ITPRID2: variants seen among roughly 807,000 people sequenced by gnomAD.
The protein encoded by ITPRID2 is protein ITPRID2.
ITPRID2 carries 60 observed loss-of-function variants against 124.3 expected under a neutral mutation model. That is an observed-to-expected ratio of 0.48 (90% confidence interval 0.39 to 0.60). The LOEUF (loss-of-function observed/expected upper bound fraction) is 0.60. Ranked by LOEUF, ITPRID2 falls within the 20% of genes least tolerant of loss-of-function variation. The pLI is 0.00. For missense variants in ITPRID2, 1,553 were observed against 1,512.2 expected (o/e 1.03, Z -0.45); for synonymous variants, 521 against 542.9 (o/e 0.96, Z 0.56).
chr2:181,916,788 C>G (rs745488758), intron 11 of ITPRID2: 19 of 984,886 alleles, frequency 1.9e-5, no homozygotes, highest in South Asian at 4.3e-5. Context: ...AGTTCTTTCT[C>G]TCTTTCTCTC....
chr2:181,924,064 A>G (rs1211568486), intron 16 of ITPRID2, among the ~76,000 whole-genome samples: 1 of 152,210 alleles, frequency 6.6e-6, no homozygotes, highest in Non-Finnish European at 1.5e-5. Flanking sequence ...AGAATTTGTT[A>G]TTTAAACCAT....
At chr2:181,928,453 C>T (rs1695026486) in intron 17 of ITPRID2, among the ~76,000 whole-genome samples, 175 bp downstream of exon 17, 1 of 152,126 alleles carries the variant, frequency 6.6e-6, no homozygotes, top group Non-Finnish European at 1.5e-5. Context: ...AAGTGTAAGT[C>T]AAATCCCATA....
intron 4 of ITPRID2, 42 bp from the exon 5 acceptor site, chr2:181,898,838 C>T (rs1692425882): frequency 2.9e-6 from 4 of 1,403,152 alleles, no homozygotes; most frequent in Non-Finnish European, 4.0e-6. Flanking sequence ...AGTTATAGTC[C>T]TACTAACAAT....
In ITPRID2 at chr2:181,919,441, C is replaced by G; in HGVS notation, c.3139C>G (p.Leu1047Val). 2 of 1,582,946 alleles carry G rather than the reference C, an allele frequency of 1.3e-6. No homozygotes were observed. The highest frequency in any genetic ancestry group is 1.7e-6 in the Non-Finnish European group (2 of 1,165,050). Residue 1047 changes from leucine (L) to valine (V), a missense_variant, in exon 14 of 18, where the codon CTC becomes GTC. By Grantham distance (32) the Leu-to-Val change is conservative (BLOSUM62 1). Transcript: ENST00000431877. The surrounding 1 kb of genome is among the most constrained non-coding windows in gnomAD (Gnocchi z 4.2). ...GCCTTCACCCTTCCGCTCCTCCGCACTCATGGTACGCTACCTGGAGGGTGG... is the reference window on the plus strand; with the variant it reads ...GCCTTCACCCTTCCGCTCCTCCGCAGTCATGGTACGCTACCTGGAGGGTGG... ...RMPSPFRSSA[L>V]MGMCGSRSAD...
chr2:181,896,021 T>A lies in ITPRID2; in HGVS notation c.258-9T>A. The A allele has an allele frequency of 6.2e-7, 1 of 1,612,308 alleles. No homozygotes were observed. Among genetic ancestry groups the A allele is most frequent in the Non-Finnish European group, 8.5e-7 (1 of 1,178,552 alleles). ...CAAGACTAAGGCTTATACGTTTATA[T>A]GGTTTCAGTACACCTTTGGGAGCCT... On this transcript the variant is annotated splice_polypyrimidine_tract_variant and intron_variant, in intron 2 of 17. Coordinates refer to ENST00000431877, the MANE Select transcript of ITPRID2 (RefSeq NM_001130445.3). The surrounding 1 kb of genome is among the most constrained non-coding windows in gnomAD (Gnocchi z 4.3).
Position 181,892,606 on chromosome 2 carries a change from T to A in ITPRID2, c.212-9T>A. The A allele has an allele frequency of 1.2e-6, 2 of 1,614,076 alleles. No individual in the cohort carries two copies. Among genetic ancestry groups the A allele is most frequent in the Non-Finnish European group, 1.7e-6 (2 of 1,179,994 alleles). ...GTGGTAACGTGCTGTCCCCTCTCTC[T>A]ACCCCCAGGAAACGTGCCCAACGAG... On this transcript the variant is annotated splice_polypyrimidine_tract_variant and intron_variant, in intron 1 of 17. Transcript: ENST00000431877. The surrounding 1 kb of genome is among the most constrained non-coding windows in gnomAD (Gnocchi z 5.2).
rs753343037 is a variant in ITPRID2, at chr2:181,915,962, G to A, written c.2322G>A (p.Lys774=). The A allele has an allele frequency of 1.8e-5, 29 of 1,614,040 alleles. No homozygotes were observed. In the Admixed American group the frequency reaches 4.2e-4, roughly 23 times the overall value. The change falls in exon 11 of 18, where the codon AAG becomes AAA. Residue 774 remains lysine, a synonymous_variant. Coordinates refer to ENST00000431877, the MANE Select transcript of ITPRID2 (RefSeq NM_001130445.3). ...TRCSPPSFTY[K]YTPEEEQELE... ...GCAGCCCACCTTCCTTCACCTATAAGTACACACCTGAAGAGGAGCAGGAAT... is the reference window on the plus strand; with the variant it reads ...GCAGCCCACCTTCCTTCACCTATAAATACACACCTGAAGAGGAGCAGGAAT...
At position 181,892,032 on chromosome 2, in the gene ITPRID2, G is replaced by T. The variant is rs1218664209; in HGVS notation, c.-35G>T. ...CCTGCCGCCGCCTTGTCTCGCGCAG[G>T]GTCCGGCTGGGGTAGCGGAGCCCCC... On this transcript the variant is annotated 5_prime_UTR_variant, in exon 1 of 18. Transcript: ENST00000431877. The surrounding 1 kb of genome is among the most constrained non-coding windows in gnomAD (Gnocchi z 5.2). 1 of 1,542,644 alleles carries T rather than the reference G, an allele frequency of 6.5e-7. No homozygotes were observed. Among genetic ancestry groups the T allele is most frequent in the Admixed American group, 2.0e-5 (1 of 50,762 alleles).
At position 181,919,004 on chromosome 2, in the gene ITPRID2, C is replaced by A; in HGVS notation, c.2993+122C>A. On this transcript the variant is annotated intron_variant, in intron 13 of 17. Transcript: ENST00000431877. This position sits in a 1 kb window ranked among gnomAD's most constrained non-coding sequence, Gnocchi z 4.2. ...GTGTACCTTGTATCTGTTTTGTGAA[C>A]CAGTGTAGATAAGATTAGTCATAGA... 7.6e-7 allele frequency: 1 copy of A among 1,313,118 alleles called. No individual in the cohort carries two copies. Among genetic ancestry groups the A allele is most frequent in the Non-Finnish European group, 1.0e-6 (1 of 969,178 alleles). The allele number at this position is 1,313,118 out of a possible 1,614,324, so 81.3% of individuals were successfully genotyped here.
chr2:181,916,066 A>C lies in ITPRID2; in HGVS notation c.2426A>C (p.Lys809Thr). Residue 809 changes from lysine to threonine, a missense_variant, in exon 11 of 18, where the codon AAA becomes ACA. Transcript: ENST00000431877. Reference sequence around the variant, plus strand: ...TTCATCTCTCCATCATCTGTGAAGAAAGAAGAAGCCCCCCAGAGTGAGGCG... The same window carrying C: ...TTCATCTCTCCATCATCTGTGAAGACAGAAGAAGCCCCCCAGAGTGAGGCG... ...TIFISPSSVK[K>T]EEAPQSEAPR... is the part of the protein sequence containing the mutation. The C allele has an allele frequency of 1.4e-5, 23 of 1,614,186 alleles. No homozygotes were observed. The highest frequency in any genetic ancestry group is 1.9e-5 in the Non-Finnish European group (22 of 1,180,034).
At chr2:181,921,825 G>T in intron 15 of ITPRID2, 123 bp from the exon 16 acceptor site, 2 of 844,582 alleles carry the variant, frequency 2.4e-6, no homozygotes, top group South Asian at 1.9e-5. Flanking sequence ...TAAATTAATG[G>T]AATAGATTTA....
rs779715020 is a variant in ITPRID2, at chr2:181,902,159, C to T, written c.1106C>T (p.Ala369Val). The change falls in exon 8 of 18, where the codon GCT (alanine) becomes GTT (valine). Residue 369 changes from alanine (A) to valine (V), a missense_variant. Ala to Val is a moderately conservative substitution (Grantham distance 64). Coordinates refer to ENST00000431877, the MANE Select transcript of ITPRID2 (RefSeq NM_001130445.3). The surrounding 1 kb of genome is among the most constrained non-coding windows in gnomAD (Gnocchi z 4.4). ...GAAGAAGTCTCTGGTAGTTCAGCAG[C>T]TGTTACGGAGAATGCTGATAGTGAT... ...VKEEVSGSSA[A>V]VTENADSDRI... is the part of the protein sequence containing the mutation. 1 of 1,613,750 alleles carries T rather than the reference C, an allele frequency of 6.2e-7. No individual in the cohort carries two copies. The highest frequency in any genetic ancestry group is 8.5e-7 in the Non-Finnish European group (1 of 1,179,800).
At position 181,915,572 on chromosome 2, in the gene ITPRID2, T is replaced by C. The variant is rs1375518189; in HGVS notation, c.1932T>C (p.Ser644=). 3 of 1,614,078 alleles carry C rather than the reference T, an allele frequency of 1.9e-6. No individual in the cohort carries two copies. The African/African-American group carries it at 4.0e-5, about 22-fold the overall frequency. ...VELLREASAE[S]DVGKSSESEF... is the part of the protein sequence containing the mutation. ...TACTGAGGGAAGCAAGTGCTGAAAG[T>C]GATGTGGGTAAAAGCAGTGAAAGTG... Residue 644 remains serine (S), a synonymous_variant, in exon 11 of 18, where the codon AGT becomes AGC. Transcript: ENST00000431877.
At chr2:181,904,712 C>T (rs983515263) in intron 8 of ITPRID2, among the ~76,000 whole-genome samples, 1 of 152,194 alleles carries the variant, frequency 6.6e-6, no homozygotes, top group Admixed American at 6.5e-5. Context: ...AGAGCTCCCT[C>T]TGTCTCAGTA....
chr2:181,916,972 T>G (rs1317553723), intron 11 of ITPRID2: 5 of 986,800 alleles, frequency 5.1e-6, no homozygotes, highest in Non-Finnish European at 6.0e-6. Context: ...ACTCAAAGAC[T>G]GGAACTACTC....
At chr2:181,906,420 A>C (rs1319721314) in intron 8 of ITPRID2, among the ~76,000 whole-genome samples, 1 of 152,102 alleles carries the variant, frequency 6.6e-6, no homozygotes. Context: ...ATGAGGTAGA[A>C]ATTTTAATTT....
intron 17 of ITPRID2, among the ~76,000 whole-genome samples, 162 bp downstream of exon 17, chr2:181,928,440 T>C (rs2125119292): frequency 6.6e-6 from 1 of 152,338 alleles, no homozygotes; most frequent in Non-Finnish European, 1.5e-5. Context: ...ACAAGCCTAT[T>C]TGAAGTGTAA....
In ITPRID2 at chr2:181,901,922, A is replaced by G. The variant is rs897341449; in HGVS notation, c.869A>G (p.Asn290Ser). ...TDPPPPLTRS[N>S]TANRLMKTLS... Reference sequence around the variant, plus strand: ...CCACCTCCACCTTTAACTCGAAGTAACACTGCAAATCGTTTAATGAAAACA... The same window carrying G: ...CCACCTCCACCTTTAACTCGAAGTAGCACTGCAAATCGTTTAATGAAAACA... The change falls in exon 8 of 18, where the codon AAC becomes AGC. Residue 290 changes from asparagine to serine, a missense_variant. Transcript: ENST00000431877. 19 of 1,613,954 alleles carry G rather than the reference A, an allele frequency of 1.2e-5. 1 individual carries two copies. In the African/African-American group the frequency reaches 1.9e-4, roughly 16 times the overall value.
rs1694049680 is a variant in ITPRID2 at position 181,916,346 on chromosome 2, T to C, written c.2706T>C (p.Ser902=). The C allele has an allele frequency of 6.2e-7, 1 of 1,614,256 alleles. No homozygotes were observed. Among genetic ancestry groups the C allele is most frequent in the South Asian group, 1.1e-5 (1 of 91,088 alleles). Residue 902 remains serine, a synonymous_variant, in exon 11 of 18, where the codon TCT becomes TCC. Coordinates refer to ENST00000431877, the MANE Select transcript of ITPRID2 (RefSeq NM_001130445.3). The part of the protein sequence containing the change: ...RHATYPYRVC[S]VNPPSAIEMQ... The stretch of plus-strand genomic sequence containing the variant: ...CCACCTACCCTTACCGAGTGTGCTC[T>C]GTGAATCCTCCTTCAGCCATAGAAA...
Sources: allele counts gnomAD v4.1 joint callset (sites outside exome capture counted in the v4.1 genomes callset), GRCh38; gene constraint gnomAD v4.1.1; non-coding constraint Gnocchi (gnomAD v3.1); transcripts MANE v1.5; gene names NCBI Gene and HGNC (gene_info 2026-07-23, HGNC 2026-07-21).